Variants in RICTOR observed in about 807,000 individuals in gnomAD.
RICTOR encodes RPTOR independent companion of MTOR complex 2.
RICTOR carries 49 observed loss-of-function variants against 214.9 expected under a neutral mutation model. That is an observed-to-expected ratio of 0.23 (90% CI 0.18 to 0.29). RICTOR has a LOEUF of 0.29. Among genes scored for constraint, RICTOR ranks in the 10% least tolerant of loss-of-function variants. RICTOR has a pLI of 1.00. For synonymous variants in RICTOR, 717 were observed against 711.3 expected (o/e 1.01, Z -0.13); for missense variants, 1,625 against 2,047.0 (o/e 0.79, Z 3.98).
chr5:38,963,085 A>G, intron 16 of RICTOR, 44 bp from the exon 17 acceptor site: 4 of 1,374,792 alleles, frequency 2.9e-6, no homozygotes, highest in Non-Finnish European at 4.0e-6. Context: ...CAAGACCAAT[A>G]TAATTTAAGA....
intron 33 of RICTOR, among the ~76,000 whole-genome samples, chr5:38,946,189 C>T (rs1003732729): frequency 6.6e-6 from 1 of 152,138 alleles, no homozygotes; most frequent in African/African-American, 2.4e-5. Flanking sequence ...TAGTGTTATA[C>T]ATTGTTCATG....
intron 2 of RICTOR, among the ~76,000 whole-genome samples, chr5:39,034,995 C>A (rs1756563070): frequency 6.6e-6 from 1 of 152,236 alleles, no homozygotes; most frequent in African/African-American, 2.4e-5. Flanking sequence ...AGCTGGAGAT[C>A]TGAGAACGGG....
intron 2 of RICTOR, among the ~76,000 whole-genome samples, chr5:39,057,525 A>C (rs1368252663): frequency 6.6e-6 from 1 of 152,146 alleles, no homozygotes; most frequent in South Asian, 2.1e-4. Flanking sequence ...AAGTCATTTA[A>C]AATGGTTGGA....
intron 34 of RICTOR, 34 bp from the exon 35 acceptor site, chr5:38,945,102 C>A (rs1748035866): frequency 6.9e-7 from 1 of 1,446,840 alleles, no homozygotes; most frequent in South Asian, 1.2e-5. Flanking sequence ...AATTAAAGCA[C>A]CATAACGGCT....
intron 2 of RICTOR, among the ~76,000 whole-genome samples, chr5:39,052,209 C>T (rs1757904296): frequency 6.6e-6 from 1 of 151,864 alleles, no homozygotes; most frequent in Non-Finnish European, 1.5e-5. Context: ...TCCATCTCTA[C>T]AAAAAAAAAT....
intron 24 of RICTOR, 60 bp from the exon 25 acceptor site, chr5:38,957,790 G>T: frequency 1.1e-6 from 1 of 906,902 alleles, no homozygotes; most frequent in Non-Finnish European, 1.7e-6. Context: ...ATCTTAAGAA[G>T]CTAAAATAAC....
chr5:38,990,729 T>G (rs9800168), intron 7 of RICTOR, among the ~76,000 whole-genome samples: 7 of 6,156 alleles, frequency 1.1e-3, no homozygotes, highest in East Asian at 6.5e-3. Flanking sequence ...ATATATATCA[T>G]ATATATGATA....
chr5:39,064,714 A>T (rs781403583), intron 2 of RICTOR, among the ~76,000 whole-genome samples: 1 of 152,216 alleles, frequency 6.6e-6, no homozygotes, highest in Non-Finnish European at 1.5e-5. Flanking sequence ...ACTGTAATTT[A>T]AATTTAAAGT....
chr5:38,990,536 C>T (rs1301539674), intron 7 of RICTOR, among the ~76,000 whole-genome samples: 11 of 143,122 alleles, frequency 7.7e-5, no homozygotes, highest in South Asian at 4.3e-4. Context: ...GATATATATA[C>T]GATATATACA....
chr5:38,964,702 C>A, intron 16 of RICTOR, 90 bp downstream of exon 16: 1 of 595,376 alleles, frequency 1.7e-6, no homozygotes, highest in Non-Finnish European at 2.8e-6. Context: ...CATAACCTAT[C>A]CATACTATTT....
chr5:38,953,153 GCTACCA>G, intron 28 of RICTOR, 62 bp from the exon 29 acceptor site: 2 of 1,208,654 alleles, frequency 1.7e-6, no homozygotes, highest in Non-Finnish European at 2.4e-6. Context: ...GATTTGGAAA[GCTACCA>G]AGAAACAAAT....
Position 38,944,490 on chromosome 5 carries a change from C to T in RICTOR, c.4869G>A (p.Leu1623=). 1 of 1,612,240 alleles carries T rather than the reference C, an allele frequency of 6.2e-7. No homozygotes were observed. ...RKEVLRLVIN[L]SSSVSTKCHE... is the part of the protein sequence containing the mutation. ...GACATTTAGTTGAAACTGAACTACT[C>T]AAATTAATGACTAATCTTAGAACTT... The change falls in exon 36 of 38, where the codon TTG becomes TTA. Residue 1623 remains leucine, a synonymous_variant. Transcript: ENST00000357387.
chr5:38,977,589 C>T (rs1341597927), intron 9 of RICTOR, among the ~76,000 whole-genome samples: 1 of 131,918 alleles, frequency 7.6e-6, no homozygotes, highest in African/African-American at 2.7e-5. Flanking sequence ...AGGTATGAAA[C>T]CACTTTTTTT....
intron 2 of RICTOR, among the ~76,000 whole-genome samples, chr5:39,071,333 A>G (rs2150224325): frequency 6.6e-6 from 1 of 152,212 alleles, no homozygotes; most frequent in Non-Finnish European, 1.5e-5. Flanking sequence ...CCCAATTAGT[A>G]TAACAGTATG....
In RICTOR at chr5:38,996,895, CA is replaced by C; in HGVS notation, c.393-14del. Reference sequence around the variant, plus strand: ...TATGTCAATGCACCTAAACAATACACAAAATATTAATCATTGATAAAATTCT... The same window carrying C: ...TATGTCAATGCACCTAAACAATACACAAATATTAATCATTGATAAAATTCT... On this transcript the variant is annotated splice_polypyrimidine_tract_variant and intron_variant, in intron 5 of 37. Transcript: ENST00000357387. 1 of 1,581,212 alleles carries C rather than the reference CA, an allele frequency of 6.3e-7. No homozygotes were observed. The highest frequency in any genetic ancestry group is 8.7e-7 in the Non-Finnish European group (1 of 1,151,248).
chr5:39,045,218 G>A (rs1757408184), intron 2 of RICTOR, among the ~76,000 whole-genome samples: 1 of 152,028 alleles, frequency 6.6e-6, no homozygotes, highest in African/African-American at 2.4e-5. Context: ...TATATACAAA[G>A]AATTCAAAAG....
Position 39,021,108 on chromosome 5 carries a change from G to A in RICTOR, c.126C>T (p.Leu42=), listed in dbSNP as rs1477741531. ...REPSDNLREI[L]QNVARLQGVS... ...CTCCCTGCAATCTGGCCACATTTTG[G>A]AGAATCTCTCTTAAGTTATCAGAAG... The change falls in exon 3 of 38, where the codon CTC becomes CTT. Residue 42 remains leucine (L), a synonymous_variant. Transcript: ENST00000357387. 2 of 1,596,900 alleles carry A rather than the reference G, an allele frequency of 1.3e-6. No homozygotes were observed. Among genetic ancestry groups the A allele is most frequent in the East Asian group, 2.2e-5 (1 of 44,758 alleles).
chr5:39,043,840 C>T (rs765072056), intron 2 of RICTOR, among the ~76,000 whole-genome samples: 6 of 152,220 alleles, frequency 3.9e-5, no homozygotes, highest in South Asian at 2.1e-4. Flanking sequence ...CACATTAGCA[C>T]GCTCAGCCCC....
At chr5:39,037,947 G>C (rs956331493) in intron 2 of RICTOR, among the ~76,000 whole-genome samples, 1 of 152,146 alleles carries the variant, frequency 6.6e-6, no homozygotes, top group Non-Finnish European at 1.5e-5. Flanking sequence ...GAAAAAGAGG[G>C]AATCCTCCCT....
Sources: gnomAD v4.1 joint callset for allele counts (sites outside exome capture counted in the v4.1 genomes callset) on GRCh38, gnomAD v4.1.1 for gene constraint, MANE v1.5 for transcripts, NCBI Gene and HGNC (gene_info 2026-07-23, HGNC 2026-07-21) for gene names.